PRKAG2: variants seen among roughly 807,000 people sequenced by gnomAD.
PRKAG2 encodes the protein 5'-AMP-activated protein kinase subunit gamma-2.
In PRKAG2, 26 loss-of-function variants were observed where a neutral mutation model predicts 69.6. The observed-to-expected ratio is 0.37, with a 90% CI of 0.27 to 0.52. The LOEUF is 0.52. PRKAG2 is among the 20% of genes least tolerant of loss of function. PRKAG2 has a pLI of 0.90. For synonymous variants in PRKAG2, 293 were observed against 285.0 expected (o/e 1.03, Z -0.28); for missense variants, 557 against 740.0 (o/e 0.75, Z 2.87).
intron 3 of PRKAG2, among the ~76,000 whole-genome samples, chr7:151,778,734 T>G (rs2033456144): frequency 6.6e-6 from 1 of 152,180 alleles, no homozygotes; most frequent in African/African-American, 2.4e-5. Flanking sequence ...AGCTTGACAT[T>G]TTTTTCAAGA....
At chr7:151,808,722 C>A (rs1417635347) in intron 1 of PRKAG2, among the ~76,000 whole-genome samples, 2 of 151,992 alleles carry the variant, frequency 1.3e-5, no homozygotes, top group Non-Finnish European at 2.9e-5. Flanking sequence ...ATAGAGGCCT[C>A]AGAAAGCCCC....
intron 4 of PRKAG2, chr7:151,674,912 TTTTG>T (rs1832658600): frequency 5.6e-6 from 1 of 178,284 alleles, no homozygotes; most frequent in Non-Finnish European, 1.2e-5. Context: ...CCATTTTTCA[TTTTG>T]TTTCTTTTTT....
intron 1 of PRKAG2, among the ~76,000 whole-genome samples, chr7:151,822,660 G>A (rs553768693): frequency 6.6e-6 from 1 of 152,292 alleles, no homozygotes; most frequent in African/African-American, 2.4e-5. Flanking sequence ...GTGAGATGGT[G>A]CTGCTTCCAG....
At chr7:151,610,652 G>A (rs960574591) in intron 5 of PRKAG2, among the ~76,000 whole-genome samples, 2 of 151,766 alleles carry the variant, frequency 1.3e-5, no homozygotes, top group Non-Finnish European at 2.9e-5. Context: ...ACTCCAGCCT[G>A]GGGGACAGAG....
At chr7:151,648,800 G>A (rs1388810749) in intron 4 of PRKAG2, among the ~76,000 whole-genome samples, 1 of 152,110 alleles carries the variant, frequency 6.6e-6, no homozygotes, top group Non-Finnish European at 1.5e-5. Context: ...GCAGGAGGAT[G>A]GCTGGAACCC....
rs185633648 is a variant in PRKAG2, at chr7:151,575,910, A to G, written c.946+461T>C. 4.5e-3 allele frequency among the ~76,000 whole-genome samples: 680 copies of G among 151,376 alleles called. 11 individuals carry two copies. Among genetic ancestry groups the G allele is most frequent in the African/African-American group, 0.016 (641 of 40,912 alleles). ...CAATGAGGCGGCAAAAAAAAAAAAA[A>G]AAAGAAAAAAAGGACAACAGTGTTT... On this transcript the variant is annotated intron_variant, in intron 7 of 15. Transcript: ENST00000287878.
At chr7:151,559,668 A>T in intron 15 of PRKAG2, 2 of 985,214 alleles carry the variant, frequency 2.0e-6, no homozygotes, top group Non-Finnish European at 2.4e-6. Flanking sequence ...TGTAAAAACT[A>T]GTCTTAACTG....
At chr7:151,596,535 G>A (rs1345494041) in intron 5 of PRKAG2, among the ~76,000 whole-genome samples, 1 of 152,116 alleles carries the variant, frequency 6.6e-6, no homozygotes, top group African/African-American at 2.4e-5. Context: ...GATCACCTGA[G>A]GTCAGGAGTT....
intron 3 of PRKAG2, among the ~76,000 whole-genome samples, chr7:151,761,231 A>G (rs1467358281): frequency 6.6e-6 from 1 of 152,222 alleles, no homozygotes; most frequent in East Asian, 1.9e-4. Flanking sequence ...TCCCCAAACT[A>G]AAACACCATT....
intron 1 of PRKAG2, among the ~76,000 whole-genome samples, chr7:151,796,710 TCCTTCC>T (rs1167534861): frequency 6.6e-6 from 1 of 151,900 alleles, no homozygotes; most frequent in Non-Finnish European, 1.5e-5. Flanking sequence ...TGAGCCTCTG[TCCTTCC>T]CCTTCGCAGA....
At chr7:151,848,646 T>C (rs1027005420) in intron 1 of PRKAG2, among the ~76,000 whole-genome samples, 1 of 144,738 alleles carries the variant, frequency 6.9e-6, no homozygotes, top group Admixed American at 7.2e-5. Flanking sequence ...TGCCTCAGCC[T>C]CCTGAGTAGC....
chr7:151,825,089 G>A (rs956637828), intron 1 of PRKAG2, among the ~76,000 whole-genome samples: 2 of 151,980 alleles, frequency 1.3e-5, no homozygotes, highest in African/African-American at 2.4e-5. Flanking sequence ...TGGCAGGCGC[G>A]TGTAATCTCA....
intron 4 of PRKAG2, among the ~76,000 whole-genome samples, chr7:151,665,075 C>T (rs73728233): frequency 6.4e-4 from 98 of 152,252 alleles, no homozygotes; most frequent in African/African-American, 2.2e-3. Context: ...TTTGCTGCCC[C>T]GTGAGTGAAG....
At chr7:151,855,098 CCACACACACCACCCTA>C (rs2079692811) in intron 1 of PRKAG2, among the ~76,000 whole-genome samples, 1 of 48,696 alleles carries the variant, frequency 2.1e-5, no homozygotes, top group African/African-American at 1.3e-4. Context: ...ACACCATCCT[CCACACACACCACCCTA>C]CACACACACC....
chr7:151,765,617 T>C (rs1247961066), intron 3 of PRKAG2, among the ~76,000 whole-genome samples: 1 of 152,190 alleles, frequency 6.6e-6, no homozygotes, highest in Non-Finnish European at 1.5e-5. Flanking sequence ...CCAGTCATTC[T>C]GGACTGAGGG....
At chr7:151,570,355 A>T in intron 9 of PRKAG2, 130 bp from the exon 10 acceptor site, 3 of 1,048,338 alleles carry the variant, frequency 2.9e-6, no homozygotes, top group Non-Finnish European at 4.0e-6. Flanking sequence ...AAAGAAATTT[A>T]ATTTGCCTAA....
At chr7:151,793,218 G>A (rs374544243) in intron 1 of PRKAG2, among the ~76,000 whole-genome samples, 13 of 152,120 alleles carry the variant, frequency 8.5e-5, no homozygotes, top group Admixed American at 4.6e-4. Flanking sequence ...ACTCTCAAAC[G>A]ACCAAAGACT....
rs1024632723 is a variant in PRKAG2, at chr7:151,567,567, C to T, written c.1233+1149G>A. 2.6e-5 allele frequency among the ~76,000 whole-genome samples: 4 copies of T among 152,122 alleles called. No individual in the cohort carries two copies. Among genetic ancestry groups the T allele is most frequent in the Non-Finnish European group, 2.9e-5 (2 of 68,012 alleles). On this transcript the variant is annotated intron_variant, in intron 11 of 15. Coordinates refer to ENST00000287878, the MANE Select transcript of PRKAG2 (RefSeq NM_016203.4). The surrounding 1 kb of genome is among the most constrained non-coding windows in gnomAD (Gnocchi z 4.2). Reference sequence around the variant, plus strand: ...TCCTATTAAACTTCAACTACTAAAGCGGCTGCATTCCCAGATGTCCAGTCT... The same window carrying T: ...TCCTATTAAACTTCAACTACTAAAGTGGCTGCATTCCCAGATGTCCAGTCT...
rs1032262372 is a variant in PRKAG2, at chr7:151,614,537, T to G, written c.754+17532A>C. ...CTGCTCCCTCCATCGTGACTCTCCG[T>G]CCCATCCCTGCGTGCTCTCCTTCAC... On this transcript the variant is annotated intron_variant, in intron 5 of 15. Transcript: ENST00000287878. This position sits in a 1 kb window ranked among gnomAD's most constrained non-coding sequence, Gnocchi z 4.4. 6.6e-6 allele frequency among the ~76,000 whole-genome samples: 1 copy of G among 152,040 alleles called. No homozygotes were observed. The highest frequency in any genetic ancestry group is 2.4e-5 in the African/African-American group (1 of 41,408).
Sources: allele counts gnomAD v4.1 joint callset (sites outside exome capture counted in the v4.1 genomes callset), GRCh38; gene constraint gnomAD v4.1.1; non-coding constraint Gnocchi (gnomAD v3.1); transcripts MANE v1.5; gene names NCBI Gene and HGNC (gene_info 2026-07-23, HGNC 2026-07-21).